Variants in ZNF625 observed in about 807,000 individuals in gnomAD.
ZNF625 encodes the protein zinc finger protein 625.
A neutral mutation model predicts 11.1 loss-of-function variants in ZNF625; 8 were observed. The observed-to-expected ratio is 0.72, with a 90% CI of 0.42 to 1.30. ZNF625 has a LOEUF of 1.30. Among genes scored for constraint, ZNF625 ranks in the 50% most tolerant of loss-of-function variants. The pLI is 0.01. For missense variants in ZNF625, 349 were observed against 447.6 expected, an observed-to-expected ratio of 0.78 and a Z score of 1.99; for synonymous variants, 145 against 153.4, an observed-to-expected ratio of 0.95 and a Z score of 0.41.
chr19:12,147,199 C>T (rs981603425), intron 3 of ZNF625, among the ~76,000 whole-genome samples, 196 bp downstream of exon 3: 1 of 152,010 alleles, frequency 6.6e-6, no homozygotes, highest in Non-Finnish European at 1.5e-5. Context: ...GATCTCCTGA[C>T]CTCGTGATCC....
chr19:12,153,307 G>A (rs960535068), intron 1 of ZNF625, among the ~76,000 whole-genome samples: 3 of 147,088 alleles, frequency 2.0e-5, no homozygotes, highest in Admixed American at 1.4e-4. Flanking sequence ...CCTAGAATGC[G>A]CCACTGCACT....
At position 12,145,815 on chromosome 19, in the gene ZNF625, T is replaced by A. The variant is rs1976862290; in HGVS notation, c.601A>T (p.Met201Leu). 1 of 1,614,080 alleles carries A rather than the reference T, an allele frequency of 6.2e-7. No individual in the cohort carries two copies. The highest frequency in any genetic ancestry group is 1.3e-5 in the African/African-American group (1 of 74,932). ...YKCNFCGKAL[M>L]CLSLYLIHKR... ...TGGATAAGATACAAACTGAGACACA[T>A]CAAGGCTTTCCCACAAAAGTTACAT... Residue 201 changes from methionine (M) to leucine (L), a missense_variant, in exon 4 of 4, where the codon ATG becomes TTG. Coordinates refer to ENST00000439556, the MANE Select transcript of ZNF625 (RefSeq NM_145233.4).
chr19:12,147,230 G>A (rs1031234027), intron 3 of ZNF625, among the ~76,000 whole-genome samples, 165 bp downstream of exon 3: 1 of 152,182 alleles, frequency 6.6e-6, no homozygotes, highest in East Asian at 1.9e-4. Context: ...GCCTCCCAAA[G>A]TGCTGGGATT....
intron 3 of ZNF625, among the ~76,000 whole-genome samples, chr19:12,146,846 G>A (rs1976881542): frequency 6.6e-6 from 1 of 152,160 alleles, no homozygotes; most frequent in African/African-American, 2.4e-5. Context: ...GTGCTATCAT[G>A]GCCGAGTGTA....
In ZNF625 at chr19:12,147,689, G is replaced by A. The variant is rs1976896628; in HGVS notation, c.117C>T (p.Asn39=). The A allele has an allele frequency of 1.2e-6, 2 of 1,613,672 alleles. No homozygotes were observed. Among genetic ancestry groups the A allele is most frequent in the South Asian group, 1.1e-5 (1 of 91,024 alleles). ...YRDVMQETFR[N]LASVGKKWKD... ...TGTTACCCTTACCTACAGAAGCCAG[G>A]TTCCTGAAGGTTTCCTGCATCACAT... The change falls in exon 2 of 4, where the codon AAC becomes AAT. Residue 39 remains asparagine (N), a synonymous_variant. Transcript: ENST00000439556.
intron 1 of ZNF625, among the ~76,000 whole-genome samples, chr19:12,154,274 C>T (rs1599444486): frequency 6.6e-6 from 1 of 152,304 alleles, no homozygotes; most frequent in East Asian, 1.9e-4. Context: ...GATAATGGCT[C>T]ACTGCAGCAT....
At chr19:12,146,733 A>T (rs934609991) in intron 3 of ZNF625, among the ~76,000 whole-genome samples, 3 of 152,142 alleles carry the variant, frequency 2.0e-5, no homozygotes, top group Non-Finnish European at 4.4e-5. Context: ...CGCCCGGCCA[A>T]CACTATTTTC....
At chr19:12,151,600 C>T (rs976511204) in intron 1 of ZNF625, among the ~76,000 whole-genome samples, 1 of 151,950 alleles carries the variant, frequency 6.6e-6, no homozygotes, top group African/African-American at 2.4e-5. Flanking sequence ...AAGATGGTCT[C>T]GGTCTCCTGA....
intron 1 of ZNF625, among the ~76,000 whole-genome samples, chr19:12,154,685 G>T (rs748667718): frequency 2.6e-5 from 4 of 151,910 alleles, no homozygotes; most frequent in South Asian, 2.1e-4. Context: ...AGTATTTTTT[G>T]ATTTTTATTC....
At chr19:12,154,766 C>T (rs1407307019) in intron 1 of ZNF625, among the ~76,000 whole-genome samples, 1 of 152,122 alleles carries the variant, frequency 6.6e-6, no homozygotes, top group African/African-American at 2.4e-5. Flanking sequence ...CCCATCCCAC[C>T]CCAATCAAGT....
At position 12,146,359 on chromosome 19, in the gene ZNF625, A is replaced by G. The variant is rs1976873069; in HGVS notation, c.192-135T>C. ...TTCTGCCCTGTCTGAACATGAACAG[A>G]CCACACATGCTCTACAAGATGGCCC... On this transcript the variant is annotated intron_variant, in intron 3 of 3. Coordinates refer to ENST00000439556, the MANE Select transcript of ZNF625 (RefSeq NM_145233.4). 5.2e-6 allele frequency: 4 copies of G among 768,254 alleles called. No individual in the cohort carries two copies. The African/African-American group carries it at 5.2e-5, about 10-fold the overall frequency. 47.6% of individuals were successfully genotyped at this position (768,254 alleles called of 1,614,324 possible). A position where few individuals can be genotyped will look rare whatever the true frequency, so the allele number is the denominator to read the frequency against.
chr19:12,155,295 C>T (rs931805073), intron 1 of ZNF625, among the ~76,000 whole-genome samples: 12 of 151,840 alleles, frequency 7.9e-5, no homozygotes, highest in African/African-American at 2.9e-4. Context: ...GACCTAAGGC[C>T]ATGCAAGGCA....
chr19:12,156,660 G>A lies in ZNF625; in HGVS notation c.-102C>T. On this transcript the variant is annotated 5_prime_UTR_variant, in exon 1 of 4. Coordinates refer to ENST00000439556, the MANE Select transcript of ZNF625 (RefSeq NM_145233.4). Reference sequence around the variant, plus strand: ...GACAGAAGCTATGGCGGAGGCACCTGGTCCCTCTCGGGGCCGGAAAACCGA... The same window carrying A: ...GACAGAAGCTATGGCGGAGGCACCTAGTCCCTCTCGGGGCCGGAAAACCGA... The A allele has an allele frequency of 8.7e-7, 1 of 1,151,098 alleles. No homozygotes were observed. The highest frequency in any genetic ancestry group is 1.1e-6 in the Non-Finnish European group (1 of 909,658). The allele number at this position is 1,151,098 out of a possible 1,614,324, so 71.3% of individuals were successfully genotyped here.
intron 1 of ZNF625, among the ~76,000 whole-genome samples, chr19:12,155,364 G>A (rs1451869442): frequency 2.0e-5 from 3 of 151,964 alleles, no homozygotes; most frequent in African/African-American, 4.8e-5. Flanking sequence ...GTTTTTTGGT[G>A]GGGATGGAAT....
At chr19:12,150,544 T>G (rs1976940544) in intron 1 of ZNF625, among the ~76,000 whole-genome samples, 1 of 152,218 alleles carries the variant, frequency 6.6e-6, no homozygotes, top group Non-Finnish European at 1.5e-5. Flanking sequence ...AACTATAGGT[T>G]CAATACTGTT....
chr19:12,155,064 A>G (rs1977008051), intron 1 of ZNF625, among the ~76,000 whole-genome samples: 1 of 152,060 alleles, frequency 6.6e-6, no homozygotes. Flanking sequence ...CATCTCTACT[A>G]AAAATACAGA....
intron 1 of ZNF625, among the ~76,000 whole-genome samples, chr19:12,150,108 A>G (rs539995549): frequency 6.6e-6 from 1 of 152,366 alleles, no homozygotes; most frequent in East Asian, 1.9e-4. Context: ...AAAAGTATTC[A>G]TAAACAAAAT....
At chr19:12,152,825 C>T (rs964801074) in intron 1 of ZNF625, among the ~76,000 whole-genome samples, 5 of 150,904 alleles carry the variant, frequency 3.3e-5, no homozygotes, top group Admixed American at 6.6e-5. Context: ...GCCTGGATGA[C>T]GGAGCGAGAC....
intron 1 of ZNF625, among the ~76,000 whole-genome samples, chr19:12,156,310 T>TCCGGGG (rs1007256886): frequency 1.2e-4 from 18 of 152,212 alleles, no homozygotes; most frequent in African/African-American, 3.1e-4. Context: ...CAGAGAGGGC[T>TCCGGGG]CCGGGGCCGG....
Sources: allele counts gnomAD v4.1 joint callset (sites outside exome capture counted in the v4.1 genomes callset), GRCh38; gene constraint gnomAD v4.1.1; transcripts MANE v1.5; gene names NCBI Gene and HGNC (gene_info 2026-07-23, HGNC 2026-07-21).